LUZP1: variants seen among roughly 807,000 people sequenced by gnomAD.
LUZP1 encodes the protein leucine zipper protein 1, also known as filamin mechanobinding actin cross-linking protein.
LUZP1 carries 25 observed loss-of-function variants against 71.3 expected under a neutral mutation model. The observed-to-expected ratio is 0.35, with a 90% confidence interval of 0.26 to 0.49. LUZP1 has a LOEUF of 0.49. Among genes scored for constraint, LUZP1 ranks in the 20% least tolerant of loss-of-function variants. LUZP1 has a pLI of 0.99. For missense variants in LUZP1, 1,142 were observed against 1,300.8 expected (o/e 0.88, Z 1.88); for synonymous variants, 481 against 506.4 (o/e 0.95, Z 0.67).
chr1:23,159,461 C>T (rs1644447458), intron 2 of LUZP1, among the ~76,000 whole-genome samples: 1 of 152,214 alleles, frequency 6.6e-6, no homozygotes, highest in South Asian at 2.1e-4. Flanking sequence ...TGACCCTCAA[C>T]AGCTTGTGAC....
chr1:23,088,991 C>T (rs372294649), exon 5 of LUZP1: 128 of 1,614,024 alleles, frequency 7.9e-5, no homozygotes, highest in East Asian at 1.6e-4. Flanking sequence ...GCAGTTCAGA[C>T]GGATCCAGGG....
intron 2 of LUZP1, among the ~76,000 whole-genome samples, chr1:23,142,804 A>C (rs1213293582): frequency 6.6e-6 from 1 of 151,922 alleles, no homozygotes; most frequent in Non-Finnish European, 1.5e-5. Flanking sequence ...ATTGTTCAAG[A>C]GTCAACTGCA....
intron 2 of LUZP1, among the ~76,000 whole-genome samples, chr1:23,110,069 G>C (rs1644015764): frequency 6.6e-6 from 1 of 152,190 alleles, no homozygotes; most frequent in Non-Finnish European, 1.5e-5. Flanking sequence ...TAAGTTTCAA[G>C]AAGTGACTTG....
intron 4 of LUZP1, 61 bp downstream of exon 3, chr1:23,091,129 G>A (rs1348334130): frequency 6.7e-7 from 1 of 1,492,416 alleles, no homozygotes; most frequent in African/African-American, 1.4e-5. Flanking sequence ...GGGGAAAAAG[G>A]AAAAGGCAAA....
chr1:23,098,376 G>C (rs1177237770), intron 3 of LUZP1, among the ~76,000 whole-genome samples: 1 of 152,136 alleles, frequency 6.6e-6, no homozygotes, highest in Non-Finnish European at 1.5e-5. Flanking sequence ...AAATCAGAGA[G>C]GGACTTCAAG....
chr1:23,110,240 G>A (rs1644017001), intron 2 of LUZP1, among the ~76,000 whole-genome samples: 1 of 152,078 alleles, frequency 6.6e-6, no homozygotes, highest in Non-Finnish European at 1.5e-5. Context: ...TAAAAATAGA[G>A]CTTTTCTTTC....
intron 1 of LUZP1, among the ~76,000 whole-genome samples, chr1:23,174,047 GTA>G (rs917643012): frequency 1.3e-5 from 2 of 151,346 alleles, no homozygotes; most frequent in Non-Finnish European, 2.9e-5. Context: ...ACCAATAGGA[GTA>G]TATATATATA....
chr1:23,115,357 T>C (rs1430027674), intron 2 of LUZP1, among the ~76,000 whole-genome samples: 7 of 152,222 alleles, frequency 4.6e-5, no homozygotes, highest in African/African-American at 1.7e-4. Flanking sequence ...CATCTCTATG[T>C]GTCAGGTTAT....
exon 5 of LUZP1, chr1:23,086,474 G>T (rs1049885996): frequency 5.2e-5 from 8 of 152,666 alleles, no homozygotes; most frequent in African/African-American, 1.4e-4. Context: ...CTGCTGAAAT[G>T]TGGAAAGATC....
At chr1:23,084,734 C>T (rs1020286214) in exon 5 of LUZP1, 9 of 151,574 alleles carry the variant, frequency 5.9e-5, no homozygotes, top group Admixed American at 6.6e-5. Flanking sequence ...AAGGCTTTTC[C>T]CCCCCTAGTC....
chr1:23,168,106 G>A (rs1161592731), intron 2 of LUZP1, among the ~76,000 whole-genome samples: 1 of 148,194 alleles, frequency 6.7e-6, no homozygotes, highest in African/African-American at 2.4e-5. Flanking sequence ...AGAGCGCCCG[G>A]GACGCGGGCC....
At chr1:23,159,878 C>T (rs947905895) in intron 2 of LUZP1, among the ~76,000 whole-genome samples, 10 of 152,124 alleles carry the variant, frequency 6.6e-5, no homozygotes, top group Non-Finnish European at 1.5e-4. Context: ...TCCAGCTACT[C>T]GGGAGGCTGA....
chr1:23,118,202 G>C (rs541786544), intron 2 of LUZP1, among the ~76,000 whole-genome samples: 14 of 152,026 alleles, frequency 9.2e-5, no homozygotes, highest in African/African-American at 2.9e-4. Context: ...AGGAGTTCGA[G>C]ACCAGCCTGA....
chr1:23,162,766 C>G (rs1644478775), intron 2 of LUZP1: 1 of 152,140 alleles, frequency 6.6e-6, no homozygotes, highest in Non-Finnish European at 1.5e-5. Flanking sequence ...AGTATGTGCC[C>G]TGCACAAGGA....
intron 2 of LUZP1, among the ~76,000 whole-genome samples, chr1:23,137,362 G>A (rs1274707741): frequency 1.3e-5 from 2 of 152,052 alleles, no homozygotes; most frequent in African/African-American, 4.8e-5. Context: ...AAAGTGAGGC[G>A]AGGCATGGTG....
At chr1:23,137,758 G>T (rs1260778992) in intron 2 of LUZP1, among the ~76,000 whole-genome samples, 1 of 152,144 alleles carries the variant, frequency 6.6e-6, no homozygotes, top group Admixed American at 6.5e-5. Context: ...GATTGCTATT[G>T]AGAATGTAAC....
intron 1 of LUZP1, among the ~76,000 whole-genome samples, chr1:23,175,881 G>T (rs1195248162): frequency 2.0e-5 from 3 of 152,166 alleles, no homozygotes; most frequent in East Asian, 1.9e-4. Context: ...GCCAGAGAAG[G>T]CTTCCTAGAA....
At chr1:23,162,729 T>A (rs898285943) in intron 2 of LUZP1, 1 of 152,158 alleles carries the variant, frequency 6.6e-6, no homozygotes, top group African/African-American at 2.4e-5. Flanking sequence ...ACACAAATAC[T>A]AAAATTGGAA....
chr1:23,092,327 C>T, exon 4 of LUZP1: 2 of 1,614,200 alleles, frequency 1.2e-6, no homozygotes. Flanking sequence ...TGACTCGACA[C>T]CTCAAGGCTT....
Sources: allele counts gnomAD v4.1 joint callset (sites outside exome capture counted in the v4.1 genomes callset), GRCh38; gene constraint gnomAD v4.1.1; transcripts MANE v1.5; gene names NCBI Gene and HGNC (gene_info 2026-07-23, HGNC 2026-07-21).